TRIM36: variants seen among roughly 807,000 people sequenced by gnomAD.
The protein encoded by TRIM36 is tripartite motif containing 36.
In TRIM36, 42 loss-of-function variants were observed where a neutral mutation model predicts 72.4. That is an observed-to-expected ratio of 0.58 (90% CI 0.45 to 0.75). The LOEUF (loss-of-function observed/expected upper bound fraction) is 0.75, where lower values mean the gene tolerates loss of function less well. TRIM36 is among the 30% of genes least tolerant of loss of function. The pLI, the probability that TRIM36 is intolerant of heterozygous loss-of-function variation, is 0.00. For missense variants in TRIM36, 913 were observed against 857.1 expected (o/e 1.07, Z -0.81); for synonymous variants, 315 against 282.8 (o/e 1.11, Z -1.14).
intron 1 of TRIM36, chr5:115,177,675 C>G: frequency 6.2e-7 from 1 of 1,606,954 alleles, no homozygotes; most frequent in East Asian, 2.2e-5. Flanking sequence ...AATAAGCTTA[C>G]GTTGAAATGG....
chr5:115,180,088 T>C (rs1755550761), exon 1 of TRIM36: 2 of 1,562,144 alleles, frequency 1.3e-6, no homozygotes, highest in Non-Finnish European at 1.8e-6. Flanking sequence ...GTATCGAATT[T>C]GTCCTTTCTT....
intron 5 of TRIM36, among the ~76,000 whole-genome samples, chr5:115,139,225 A>G (rs180924283): frequency 3.8e-4 from 58 of 151,524 alleles, no homozygotes; most frequent in African/African-American, 1.4e-3. Context: ...GGTTCAAGCA[A>G]TTCTCCTGCC....
Position 115,130,898 on chromosome 5 carries a change from A to G in TRIM36, c.1499-9T>C. 6.3e-7 allele frequency: 1 copy of G among 1,597,096 alleles called. No homozygotes were observed. The highest frequency in any genetic ancestry group is 1.1e-5 in the South Asian group (1 of 89,376). On this transcript the variant is annotated splice_polypyrimidine_tract_variant and intron_variant, in intron 8 of 9. Coordinates refer to ENST00000513154, the MANE Select transcript of TRIM36 (RefSeq NM_001300759.2). The stretch of plus-strand genomic sequence containing the variant: ...AAAGAGGAAGCTGAAAACTAAATGG[A>G]GCTTAAAATTAATATCAGGCTAAAA...
chr5:115,162,189 C>T (rs966867489), intron 2 of TRIM36, among the ~76,000 whole-genome samples: 3 of 152,198 alleles, frequency 2.0e-5, no homozygotes, highest in Non-Finnish European at 4.4e-5. Context: ...AGTTTTCAAA[C>T]TCCACCATTC....
chr5:115,159,379 T>C (rs1403183867), intron 2 of TRIM36, among the ~76,000 whole-genome samples: 3 of 152,212 alleles, frequency 2.0e-5, no homozygotes, highest in Non-Finnish European at 4.4e-5. Context: ...AAAAGCGGTA[T>C]AAATCATTTT....
chr5:115,169,736 G>A lies in TRIM36; in HGVS notation c.-102C>T. ...TCCCTGCGGCGGCCGTGGAGCCTCG[G>A]TCCGAAGCTGGAAGATGAGCTGGTC... On this transcript the variant is annotated 5_prime_UTR_variant, in exon 1 of 10. Coordinates refer to ENST00000513154, the MANE Select transcript of TRIM36 (RefSeq NM_001300759.2). The A allele has an allele frequency of 6.9e-7, 1 of 1,448,614 alleles. No individual in the cohort carries two copies. Among genetic ancestry groups the A allele is most frequent in the Non-Finnish European group, 9.1e-7 (1 of 1,092,966 alleles). The allele number at this position is 1,448,614 out of a possible 1,614,324, so 89.7% of individuals were successfully genotyped here. A position where few individuals can be genotyped will look rare whatever the true frequency, so the allele number is the denominator to read the frequency against.
At chr5:115,128,130 C>A (rs1313820917) in intron 9 of TRIM36, among the ~76,000 whole-genome samples, 1 of 151,094 alleles carries the variant, frequency 6.6e-6, no homozygotes, top group Non-Finnish European at 1.5e-5. Context: ...GTAATCCCAG[C>A]ACTTTGGGAG....
chr5:115,133,837 T>C (rs2112783814), intron 8 of TRIM36, 23 bp downstream of exon 8: 2 of 1,547,566 alleles, frequency 1.3e-6, no homozygotes, highest in Non-Finnish European at 8.7e-7. Flanking sequence ...CTATGCTTTT[T>C]TTATTCCTGA....
intron 9 of TRIM36, 83 bp downstream of exon 9, chr5:115,130,509 T>A: frequency 6.9e-7 from 1 of 1,444,338 alleles, no homozygotes; most frequent in African/African-American, 1.4e-5. Context: ...AAGAAATGTA[T>A]ACTCCAAATG....
chr5:115,168,877 G>C (rs915448549), intron 1 of TRIM36: 2 of 152,194 alleles, frequency 1.3e-5, no homozygotes, highest in Non-Finnish European at 2.9e-5. Context: ...GTCACTGGGG[G>C]AGGATCTAAA....
upstream of TRIM36, among the ~76,000 whole-genome samples, chr5:115,170,224 C>T (rs527828711): frequency 6.6e-6 from 1 of 150,892 alleles, no homozygotes; most frequent in South Asian, 2.1e-4. Flanking sequence ...CAGCGGGGAG[C>T]GGTGGGCGGG....
chr5:115,145,057 T>C (rs901510844), intron 3 of TRIM36, among the ~76,000 whole-genome samples: 1 of 152,158 alleles, frequency 6.6e-6, no homozygotes, highest in Non-Finnish European at 1.5e-5. Flanking sequence ...TTCATTCCTA[T>C]CAGATTCAAA....
chr5:115,152,056 G>T (rs180805516), intron 2 of TRIM36, among the ~76,000 whole-genome samples: 1 of 152,058 alleles, frequency 6.6e-6, no homozygotes, highest in Non-Finnish European at 1.5e-5. Flanking sequence ...AATCCAGAAG[G>T]TTACTAAGCT....
At chr5:115,152,949 A>G (rs1753972960) in intron 2 of TRIM36, among the ~76,000 whole-genome samples, 1 of 152,174 alleles carries the variant, frequency 6.6e-6, no homozygotes, top group Non-Finnish European at 1.5e-5. Context: ...TAAAACAAAA[A>G]TAAGATTTAA....
intron 5 of TRIM36, among the ~76,000 whole-genome samples, chr5:115,137,978 G>A (rs539660810): frequency 6.6e-6 from 1 of 152,190 alleles, no homozygotes; most frequent in Admixed American, 6.5e-5. Flanking sequence ...GGTATATAAA[G>A]GAATATGAAG....
intron 2 of TRIM36, chr5:115,148,498 G>A (rs2112848490): frequency 2.9e-6 from 1 of 344,640 alleles, no homozygotes; most frequent in South Asian, 1.2e-4. Context: ...TGCAACCTCT[G>A]CCTCCCAGGT....
At chr5:115,138,977 T>C (rs1424225983) in intron 5 of TRIM36, among the ~76,000 whole-genome samples, 2 of 150,922 alleles carry the variant, frequency 1.3e-5, no homozygotes, top group South Asian at 2.1e-4. Context: ...CACCACACCC[T>C]ACTAAATTTT....
chr5:115,134,686 G>A (rs988696708), intron 7 of TRIM36, among the ~76,000 whole-genome samples: 6 of 151,974 alleles, frequency 3.9e-5, no homozygotes, highest in African/African-American at 1.4e-4. Context: ...GATTACAGGT[G>A]CGTGCTACCA....
intron 2 of TRIM36, among the ~76,000 whole-genome samples, chr5:115,160,835 G>C (rs1754444121): frequency 6.6e-6 from 1 of 152,104 alleles, no homozygotes; most frequent in Non-Finnish European, 1.5e-5. Flanking sequence ...AACAAACAGA[G>C]TGAGACCCTG....
Sources: allele counts gnomAD v4.1 joint callset (sites outside exome capture counted in the v4.1 genomes callset), GRCh38; gene constraint gnomAD v4.1.1; transcripts MANE v1.5; gene names NCBI Gene and HGNC (gene_info 2026-07-23, HGNC 2026-07-21).